The following SLC1A3 variants were observed in gnomAD, a reference collection of about 807,000 sequenced individuals.
SLC1A3 encodes the protein excitatory amino acid transporter 1.
SLC1A3 carries 21 observed loss-of-function variants against 48.1 expected under a neutral mutation model. The observed-to-expected ratio is 0.44, with a 90% confidence interval of 0.31 to 0.63. The LOEUF (loss-of-function observed/expected upper bound fraction) is 0.63. Ranked by LOEUF, SLC1A3 falls within the 20% of genes least tolerant of loss-of-function variation. The pLI is 0.08. For synonymous variants in SLC1A3, 239 were observed against 251.4 expected (o/e 0.95, Z 0.47); for missense variants, 546 against 689.0 (o/e 0.79, Z 2.32).
At chr5:36,609,088 T>C (rs968251438) in intron 2 of SLC1A3, 2 of 987,994 alleles carry the variant, frequency 2.0e-6, no homozygotes, top group Non-Finnish European at 2.4e-6. Context: ...GACCGAATAT[T>C]TTATGTGTTT....
chr5:36,636,463 T>TTTTCTTC (rs1554041160), intron 3 of SLC1A3: 3 of 68,598 alleles, frequency 4.4e-5, no homozygotes, highest in African/African-American at 2.2e-4. Flanking sequence ...TCTTTCTTTC[T>TTTTCTTC]TTTCTTTCTT....
chr5:36,674,152 T>C (rs1641852412), intron 5 of SLC1A3, 61 bp downstream of exon 5: 1 of 1,309,758 alleles, frequency 7.6e-7, no homozygotes, highest in African/African-American at 1.4e-5. Context: ...CCAAACCAAG[T>C]GGGACCCTCT....
chr5:36,676,910 A>G lies in SLC1A3; in HGVS notation c.586A>G (p.Lys196Glu). The part of the protein sequence containing the change: ...CFKQFKTNYE[K>E]RSFKVPIQAN... ...TTTTAAGTTTAAAACCAACTATGAG[A>G]AGAGAAGCTTTAAAGTGCCCATCCA... Residue 196 changes from lysine (K) to glutamate (E), a missense_variant, in exon 6 of 10, where the codon AAG (lysine) becomes GAG (glutamate). Physicochemically the swap from Lys to Glu is moderately conservative, Grantham distance 56. Transcript: ENST00000265113. 1 of 1,613,580 alleles carries G rather than the reference A, an allele frequency of 6.2e-7. No homozygotes were observed. Among genetic ancestry groups the G allele is most frequent in the Non-Finnish European group, 8.5e-7 (1 of 1,179,644 alleles).
At chr5:36,605,585 G>A (rs188575979), upstream of SLC1A3, among the ~76,000 whole-genome samples, 254 of 152,172 alleles carry the variant, frequency 1.7e-3, 1 homozygote, top group African/African-American at 6.0e-3. Flanking sequence ...TTTTGCATGG[G>A]GAATATTAAA....
upstream of SLC1A3, among the ~76,000 whole-genome samples, chr5:36,606,186 C>G (rs1178191037): frequency 6.6e-6 from 1 of 152,274 alleles, no homozygotes; most frequent in South Asian, 2.1e-4. Flanking sequence ...GTTAATTCCC[C>G]GATTCGAAAA....
At chr5:36,611,978 G>A (rs1739217973) in intron 2 of SLC1A3, among the ~76,000 whole-genome samples, 1 of 152,148 alleles carries the variant, frequency 6.6e-6, no homozygotes, top group African/African-American at 2.4e-5. Context: ...GTATAAATAG[G>A]AATGCATAGA....
chr5:36,641,850 A>G (rs1249759448), intron 3 of SLC1A3, among the ~76,000 whole-genome samples: 1 of 152,228 alleles, frequency 6.6e-6, no homozygotes, highest in Non-Finnish European at 1.5e-5. Context: ...CACACTTACT[A>G]TGTGAAATAT....
chr5:36,672,027 C>T (rs932026302), intron 4 of SLC1A3, among the ~76,000 whole-genome samples: 16 of 152,150 alleles, frequency 1.1e-4, no homozygotes, highest in Non-Finnish European at 2.2e-4. Context: ...GTGCGGGCAG[C>T]CTTAAAGGAA....
intron 8 of SLC1A3, 25 bp downstream of exon 8, chr5:36,680,614 C>G (rs373832946): frequency 2.3e-5 from 36 of 1,580,944 alleles, no homozygotes; most frequent in Non-Finnish European, 3.0e-5. Flanking sequence ...TTCTATACAC[C>G]CTTTCTTAAG....
At chr5:36,604,763 A>C (rs1399570755), upstream of SLC1A3, among the ~76,000 whole-genome samples, 1 of 152,200 alleles carries the variant, frequency 6.6e-6, no homozygotes, top group Non-Finnish European at 1.5e-5. Flanking sequence ...GTGGTTTTCC[A>C]GCCCTTTTTC....
At chr5:36,644,014 A>T (rs435739) in intron 3 of SLC1A3, among the ~76,000 whole-genome samples, 1,230 of 101,754 alleles carry the variant, frequency 0.012, 37 homozygotes, top group South Asian at 0.018. Flanking sequence ...TCCGTCTCAA[A>T]AAATAAATAA....
intron 1 of SLC1A3, among the ~76,000 whole-genome samples, chr5:36,599,323 CTT>C (rs1353881864): frequency 1.3e-5 from 2 of 152,138 alleles, no homozygotes; most frequent in African/African-American, 4.8e-5. Flanking sequence ...ACTTGGATAA[CTT>C]TGGGTAAACC....
intron 3 of SLC1A3, among the ~76,000 whole-genome samples, chr5:36,656,856 G>T (rs1010038484): frequency 3.3e-5 from 5 of 152,142 alleles, no homozygotes; most frequent in Admixed American, 1.3e-4. Flanking sequence ...TACTTCAAGG[G>T]CTGTGACCTG....
At chr5:36,669,202 C>G (rs1741888224) in intron 3 of SLC1A3, 1 of 151,990 alleles carries the variant, frequency 6.6e-6, no homozygotes, top group African/African-American at 2.4e-5. Flanking sequence ...GAGAGTGGGC[C>G]CCTTTCTGAG....
chr5:36,616,818 T>C (rs1267769744), intron 2 of SLC1A3, among the ~76,000 whole-genome samples: 12 of 152,198 alleles, frequency 7.9e-5, no homozygotes. Flanking sequence ...ACTTGATGAA[T>C]GTGAAGAGAA....
chr5:36,604,818 G>A (rs1196193742), upstream of SLC1A3, among the ~76,000 whole-genome samples: 1 of 150,646 alleles, frequency 6.6e-6, no homozygotes, highest in Non-Finnish European at 1.5e-5. Context: ...AATGCCACTG[G>A]GCTTGAAACC....
chr5:36,671,115 G>T lies in SLC1A3; in HGVS notation c.406G>T (p.Val136Leu), dbSNP rs897907910. ...YYMTTTIIAV[V>L]IGIIIVIIIH... ...TATGACTACCACCATCATTGCTGTG[G>T]TGATTGGCATAATCATTGTCATCAT... Residue 136 changes from valine to leucine, a missense_variant, in exon 4 of 10, where the codon GTG becomes TTG. Val to Leu is a conservative substitution (Grantham distance 32). This residue lies in a region of SLC1A3 where 348 missense variants were observed against 392.0 expected (regional missense o/e 0.89). Coordinates refer to ENST00000265113, the MANE Select transcript of SLC1A3 (RefSeq NM_004172.5). The T allele has an allele frequency of 6.2e-7, 1 of 1,613,818 alleles. No homozygotes were observed. The highest frequency in any genetic ancestry group is 8.5e-7 in the Non-Finnish European group (1 of 1,179,820).
chr5:36,630,909 G>A (rs1740110087), intron 3 of SLC1A3, among the ~76,000 whole-genome samples: 1 of 152,206 alleles, frequency 6.6e-6, no homozygotes, highest in Non-Finnish European at 1.5e-5. Flanking sequence ...ATGGTCCATT[G>A]CTGACCAGGG....
chr5:36,621,253 G>A (rs1236453827), intron 2 of SLC1A3, among the ~76,000 whole-genome samples: 1 of 152,164 alleles, frequency 6.6e-6, no homozygotes, highest in Non-Finnish European at 1.5e-5. Context: ...TGGGAATGAT[G>A]TTTTAGGCAG....
Sources: gnomAD v4.1 joint callset for allele counts (sites outside exome capture counted in the v4.1 genomes callset) on GRCh38, gnomAD v4.1.1 for gene constraint, gnomAD v4.1.1 regional missense constraint, MANE v1.5 for transcripts, NCBI Gene and HGNC (gene_info 2026-07-23, HGNC 2026-07-21) for gene names.